The following ATP1B3 variants were observed in gnomAD, a reference collection of about 807,000 sequenced individuals.
ATP1B3 encodes ATPase Na+/K+ transporting subunit beta 3.
ATP1B3 carries 10 observed loss-of-function variants against 30.2 expected under a neutral mutation model. The ratio of observed to expected loss-of-function variants is 0.33; its 90% confidence interval spans 0.20 to 0.56. The LOEUF (loss-of-function observed/expected upper bound fraction) is 0.56. ATP1B3 is among the 20% of genes least tolerant of loss of function. The pLI, the probability that ATP1B3 is intolerant of heterozygous loss-of-function variation, is 0.90. For missense variants in ATP1B3, 238 were observed against 336.7 expected, an observed-to-expected ratio of 0.71 and a Z score of 2.29; for synonymous variants, 113 against 117.0, an observed-to-expected ratio of 0.97 and a Z score of 0.22.
intron 3 of ATP1B3, among the ~76,000 whole-genome samples, chr3:141,911,833 G>C (rs1470718072): frequency 6.6e-6 from 1 of 152,070 alleles, no homozygotes; most frequent in Non-Finnish European, 1.5e-5. Context: ...CAGATGCATA[G>C]GGCTCCTTGG....
intron 1 of ATP1B3, among the ~76,000 whole-genome samples, chr3:141,883,916 A>G (rs1057385069): frequency 6.6e-6 from 1 of 152,150 alleles, no homozygotes; most frequent in African/African-American, 2.4e-5. Flanking sequence ...TTCTTATTGG[A>G]GACTCAGCTG....
At chr3:141,892,671 AAAAAAC>A (rs1246309313) in intron 1 of ATP1B3, among the ~76,000 whole-genome samples, 4 of 142,454 alleles carry the variant, frequency 2.8e-5, no homozygotes, top group Non-Finnish European at 6.4e-5. Context: ...AAAAAAAAAA[AAAAAAC>A]AGTTATCGAA....
chr3:141,924,836 C>G (rs1934626811), intron 6 of ATP1B3, among the ~76,000 whole-genome samples: 1 of 151,958 alleles, frequency 6.6e-6, no homozygotes, highest in Admixed American at 6.6e-5. Flanking sequence ...GCCTGTAATC[C>G]CACCTACTTG....
At chr3:141,898,951 A>T (rs1186428390) in intron 1 of ATP1B3, among the ~76,000 whole-genome samples, 1 of 152,206 alleles carries the variant, frequency 6.6e-6, no homozygotes, top group African/African-American at 2.4e-5. Flanking sequence ...ATGAACCTTG[A>T]AAACACCTTA....
intron 1 of ATP1B3, among the ~76,000 whole-genome samples, chr3:141,878,506 C>A (rs1447023191): frequency 6.6e-6 from 1 of 152,220 alleles, no homozygotes; most frequent in East Asian, 1.9e-4. Flanking sequence ...TTCCCCAGTG[C>A]TTCCTCATTT....
At chr3:141,917,432 G>A (rs113044074) in intron 5 of ATP1B3, among the ~76,000 whole-genome samples, 1,974 of 151,838 alleles carry the variant, frequency 0.013, 40 homozygotes, top group African/African-American at 0.045. Context: ...GCAGTGGCTC[G>A]CGCCTGTAAT....
intron 6 of ATP1B3, among the ~76,000 whole-genome samples, chr3:141,924,770 CATGGTGA>C (rs1934624950): frequency 6.6e-6 from 1 of 151,908 alleles, no homozygotes; most frequent in South Asian, 2.1e-4. Flanking sequence ...TCCTGGCCAA[CATGGTGA>C]AACCCCGTCT....
intron 1 of ATP1B3, among the ~76,000 whole-genome samples, chr3:141,878,029 G>C (rs1560412): frequency 0.56 from 84,766 of 151,934 alleles, 24,197 homozygotes; most frequent in African/African-American, 0.68. Flanking sequence ...TAAACTGTTG[G>C]TGCAGACTGA....
chr3:141,902,282 T>A, intron 1 of ATP1B3: 1 of 1,189,188 alleles, frequency 8.4e-7, no homozygotes, highest in Non-Finnish European at 1.1e-6. Context: ...GAAATTGCTT[T>A]AACTATTTCC....
chr3:141,877,981 T>C lies in ATP1B3; in HGVS notation c.109+1071T>C, dbSNP rs148801314. On this transcript the variant is annotated intron_variant, in intron 1 of 6. Coordinates refer to ENST00000286371, the MANE Select transcript of ATP1B3 (RefSeq NM_001679.4). The stretch of plus-strand genomic sequence containing the variant: ...TAGAACTATTTGGGCACAACATTTT[T>C]AGGATAAGCATGGAGAAATAAGCTG... Among the ~76,000 whole-genome samples, 178 of 152,324 alleles carry C rather than the reference T, an allele frequency of 1.2e-3. 1 individual carries two copies. The highest frequency in any genetic ancestry group is 4.2e-3 in the African/African-American group (176 of 41,574).
At chr3:141,913,199 CTTT>C (rs577491361) in intron 3 of ATP1B3, among the ~76,000 whole-genome samples, 1 of 143,604 alleles carries the variant, frequency 7.0e-6, no homozygotes. Context: ...AGCTCAGTTG[CTTT>C]TTTTTTTTTT....
chr3:141,917,541 A>G (rs1212757273), intron 5 of ATP1B3, among the ~76,000 whole-genome samples: 1 of 151,818 alleles, frequency 6.6e-6, no homozygotes, highest in Non-Finnish European at 1.5e-5. Flanking sequence ...TAAAATACAG[A>G]AAATTAGCTG....
At chr3:141,906,188 T>C (rs1375478640) in intron 2 of ATP1B3, among the ~76,000 whole-genome samples, 3 of 152,096 alleles carry the variant, frequency 2.0e-5, no homozygotes, top group African/African-American at 7.2e-5. Flanking sequence ...TAATGCTTTT[T>C]TTTTTTTTTG....
chr3:141,926,437 A>G lies in ATP1B3; in HGVS notation c.*736A>G, dbSNP rs139394206. On this transcript the variant is annotated 3_prime_UTR_variant, in exon 7 of 7. Coordinates refer to ENST00000286371, the MANE Select transcript of ATP1B3 (RefSeq NM_001679.4). ...AAATTCATAAGACTTAATTTGTACA[A>G]TAGTTTGTGAAATATCTTGTTACTG... 6.6e-6 allele frequency: 1 copy of G among 152,272 alleles called. No individual in the cohort carries two copies. Among genetic ancestry groups the G allele is most frequent in the East Asian group, 1.9e-4 (1 of 5,186 alleles). 9.4% of individuals were successfully genotyped at this position (152,272 alleles called of 1,614,324 possible). A position where few individuals can be genotyped will look rare whatever the true frequency, so the allele number is the denominator to read the frequency against.
chr3:141,888,355 A>G (rs973911243), intron 1 of ATP1B3, among the ~76,000 whole-genome samples: 16 of 152,192 alleles, frequency 1.1e-4, no homozygotes, highest in African/African-American at 3.9e-4. Context: ...CCATTTTTAT[A>G]TATGTATATA....
At chr3:141,917,464 G>A (rs1934486580) in intron 5 of ATP1B3, among the ~76,000 whole-genome samples, 1 of 151,932 alleles carries the variant, frequency 6.6e-6, no homozygotes, top group African/African-American at 2.4e-5. Flanking sequence ...GGGAGGCTGA[G>A]GCAGGCAGAT....
intron 2 of ATP1B3, among the ~76,000 whole-genome samples, chr3:141,905,152 A>G (rs1017588148): frequency 6.6e-6 from 1 of 152,202 alleles, no homozygotes; most frequent in Non-Finnish European, 1.5e-5. Flanking sequence ...TAACTGCTAT[A>G]GATGACAGAG....
At chr3:141,912,183 C>T (rs1360695674) in intron 3 of ATP1B3, among the ~76,000 whole-genome samples, 1 of 115,874 alleles carries the variant, frequency 8.6e-6, no homozygotes, top group African/African-American at 3.7e-5. Flanking sequence ...TAAGATGAAA[C>T]CAAACATTTT....
intron 1 of ATP1B3, among the ~76,000 whole-genome samples, chr3:141,879,405 A>G (rs186598962): frequency 3.9e-5 from 6 of 152,232 alleles, no homozygotes; most frequent in Admixed American, 1.3e-4. Context: ...TATACTCCCA[A>G]CGGTATGTAG....
Sources: allele counts gnomAD v4.1 joint callset (sites outside exome capture counted in the v4.1 genomes callset), GRCh38; gene constraint gnomAD v4.1.1; transcripts MANE v1.5; gene names NCBI Gene and HGNC (gene_info 2026-07-23, HGNC 2026-07-21).